DPP4: variants seen among roughly 807,000 people sequenced by gnomAD.
DPP4 encodes ADCP-2.
DPP4 carries 93 observed loss-of-function variants against 122.4 expected under a neutral mutation model. The ratio of observed to expected loss-of-function variants is 0.76; its 90% CI spans 0.64 to 0.90. The LOEUF is 0.90. Among genes scored for constraint, DPP4 ranks in the 40% least tolerant of loss-of-function variants. DPP4 has a pLI of 0.00. For synonymous variants in DPP4, 321 were observed against 302.9 expected (o/e 1.06, Z -0.62); for missense variants, 914 against 907.3 (o/e 1.01, Z -0.09).
chr2:162,018,949 C>G lies in DPP4; in HGVS notation c.1299-99G>C, dbSNP rs1027106050. 8.8e-6 allele frequency: 13 copies of G among 1,471,588 alleles called. No homozygotes were observed. In the Admixed American group the frequency reaches 1.1e-4, roughly 13 times the overall value. 91.2% of individuals were successfully genotyped at this position (1,471,588 alleles called of 1,614,324 possible). A position where few individuals can be genotyped will look rare whatever the true frequency, so the allele number is the denominator to read the frequency against. Reference sequence around the variant, plus strand: ...TTCTAGTTTCAAAGACAGCAGCATGCCAACGCAATCTTTAGGACTTTTTTT... The same window carrying G: ...TTCTAGTTTCAAAGACAGCAGCATGGCAACGCAATCTTTAGGACTTTTTTT... On this transcript the variant is annotated intron_variant, in intron 15 of 25. Transcript: ENST00000360534.
intron 25 of DPP4, among the ~76,000 whole-genome samples, chr2:161,994,512 G>A (rs1012430007): frequency 6.6e-6 from 1 of 152,114 alleles, no homozygotes; most frequent in Non-Finnish European, 1.5e-5. Flanking sequence ...CCTTGTAATT[G>A]CAAAAACTGA....
rs1464513227 is a variant in DPP4 at position 162,022,795 on chromosome 2, C to T, written c.1028G>A (p.Arg343Gln). 1.5e-5 allele frequency: 24 copies of T among 1,613,710 alleles called. No homozygotes were observed. Among genetic ancestry groups the T allele is most frequent in the East Asian group, 4.5e-5 (2 of 44,862 alleles). ...AGTAGTACTCATTTCAATGTGTTGC[C>T]GTGCCTAGGAAGGGAAAGAGACAAT... Reference protein sequence around the residue: ...SSGRWNCLVARQHIEMSTTGW... With the variant: ...SSGRWNCLVAQQHIEMSTTGW... The change falls in exon 12 of 26, where the codon CGG (arginine) becomes CAG (glutamine). Residue 343 changes from arginine to glutamine, a missense_variant. Transcript: ENST00000360534.
chr2:162,035,029 G>A (rs977218515), intron 9 of DPP4, 135 bp downstream of exon 9: 10 of 791,676 alleles, frequency 1.3e-5, no homozygotes, highest in Non-Finnish European at 1.9e-5. Context: ...GCCAGATGCT[G>A]TTGACTTCAG....
chr2:162,037,409 T>G (rs1472888779), intron 8 of DPP4, among the ~76,000 whole-genome samples: 1 of 152,208 alleles, frequency 6.6e-6, no homozygotes, highest in Non-Finnish European at 1.5e-5. Flanking sequence ...CACTTATTTC[T>G]AGGACATGAA....
chr2:162,002,686 A>G (rs1296546602), intron 23 of DPP4, among the ~76,000 whole-genome samples: 1 of 151,858 alleles, frequency 6.6e-6, no homozygotes, highest in Non-Finnish European at 1.5e-5. Context: ...AGAGAGAGAG[A>G]GAGAGGAGAG....
At chr2:162,032,480 T>C (rs1474702581) in intron 10 of DPP4, among the ~76,000 whole-genome samples, 2 of 151,658 alleles carry the variant, frequency 1.3e-5, no homozygotes, top group Admixed American at 1.3e-4. Context: ...GAGTCAGGAG[T>C]TCGAGACCAG....
intron 16 of DPP4, 78 bp from the exon 17 acceptor site, chr2:162,017,233 A>G: frequency 3.6e-6 from 4 of 1,126,612 alleles, no homozygotes; most frequent in South Asian, 1.4e-5. Flanking sequence ...TTTCAAAAAT[A>G]CCATTTGTTA....
At chr2:162,008,125 A>G (rs989601049) in intron 22 of DPP4, among the ~76,000 whole-genome samples, 1 of 152,094 alleles carries the variant, frequency 6.6e-6, no homozygotes, top group Non-Finnish European at 1.5e-5. Context: ...ATGAAAAAAA[A>G]CAACAACCCC....
intron 12 of DPP4, 60 bp from the exon 13 acceptor site, chr2:162,020,748 T>G: frequency 7.7e-7 from 1 of 1,304,930 alleles, no homozygotes; most frequent in Non-Finnish European, 1.1e-6. Flanking sequence ...CAGTACCAAC[T>G]TTAGTTTTAG....
At chr2:162,045,153 A>G (rs1684128176) in intron 5 of DPP4, among the ~76,000 whole-genome samples, 1 of 151,896 alleles carries the variant, frequency 6.6e-6, no homozygotes, top group African/African-American at 2.4e-5. Context: ...ACACATATCT[A>G]TGGAGGCTCT....
chr2:162,038,161 A>C (rs1683849119), intron 8 of DPP4, 141 bp downstream of exon 8: 1 of 770,808 alleles, frequency 1.3e-6, no homozygotes, highest in African/African-American at 1.8e-5. Flanking sequence ...TGGTGCTGTG[A>C]GTTCTAAGAG....
chr2:162,064,333 C>A (rs1007051295), intron 2 of DPP4, among the ~76,000 whole-genome samples: 1 of 152,150 alleles, frequency 6.6e-6, no homozygotes, highest in African/African-American at 2.4e-5. Flanking sequence ...TTAAGAAAAT[C>A]ATTACCATGC....
rs568138765 is a variant in DPP4, at chr2:162,066,262, T to A, written c.94+7137A>T. ...ACATCCTGCGTTTCTTTTTTTTTTT[T>A]AAACTTATTTTCACCTCCAGTGCTA... On this transcript the variant is annotated intron_variant, in intron 2 of 25. Transcript: ENST00000360534. Among the ~76,000 whole-genome samples, 11 of 151,954 alleles carry A rather than the reference T, an allele frequency of 7.2e-5. 1 individual carries two copies. The East Asian group carries it at 7.7e-4, about 11-fold the overall frequency.
chr2:162,011,571 G>A, intron 20 of DPP4, among the ~76,000 whole-genome samples: 1 of 152,104 alleles, frequency 6.6e-6, no homozygotes, highest in East Asian at 1.9e-4. Context: ...CTCATACAGA[G>A]AGGAATTTAG....
intron 2 of DPP4, among the ~76,000 whole-genome samples, chr2:162,049,673 A>C (rs1684317104): frequency 6.6e-6 from 1 of 152,186 alleles, no homozygotes; most frequent in Non-Finnish European, 1.5e-5. Context: ...ACAGATAAGA[A>C]GACTTCTGAG....
In DPP4 at chr2:162,019,252, T is replaced by A. The variant is rs1683033692; in HGVS notation, c.1269A>T (p.Lys423Asn). The change falls in exon 15 of 26, where the codon AAA becomes AAT. Residue 423 changes from lysine (K) to asparagine (N), a missense_variant. Coordinates refer to ENST00000360534, the MANE Select transcript of DPP4 (RefSeq NM_001935.4). The part of the protein sequence containing the change: ...DYLYYISNEY[K>N]GMPGGRNLYK... ...AAAGATTCCTTCCTCCTGGCATTCCTTTATATTCATTACTAATGTAGTATC... is the reference window on the plus strand; with the variant it reads ...AAAGATTCCTTCCTCCTGGCATTCCATTATATTCATTACTAATGTAGTATC... 6.3e-7 allele frequency: 1 copy of A among 1,585,022 alleles called. No individual in the cohort carries two copies. The highest frequency in any genetic ancestry group is 1.4e-5 in the African/African-American group (1 of 74,066).
At chr2:162,030,444 G>C (rs781496166) in intron 10 of DPP4, among the ~76,000 whole-genome samples, 1 of 152,168 alleles carries the variant, frequency 6.6e-6, no homozygotes, top group South Asian at 2.1e-4. Flanking sequence ...GTGGTGAAGG[G>C]ATATGGCCTA....
chr2:162,057,691 T>A (rs1684622825), intron 2 of DPP4, among the ~76,000 whole-genome samples: 1 of 152,232 alleles, frequency 6.6e-6, no homozygotes, highest in Non-Finnish European at 1.5e-5. Flanking sequence ...AGTTACACTT[T>A]CTCAGTTACC....
At chr2:162,014,948 A>ATTTG (rs1682855963) in intron 18 of DPP4, among the ~76,000 whole-genome samples, 2 of 152,200 alleles carry the variant, frequency 1.3e-5, no homozygotes, top group African/African-American at 4.8e-5. Flanking sequence ...CCCAGACCGC[A>ATTTG]AAGCTGAGTT....
Sources: allele counts gnomAD v4.1 joint callset (sites outside exome capture counted in the v4.1 genomes callset), GRCh38; gene constraint gnomAD v4.1.1; transcripts MANE v1.5; gene names NCBI Gene and HGNC (gene_info 2026-07-23, HGNC 2026-07-21).